The following CDH23 variants were observed in gnomAD, a reference collection of about 807,000 sequenced individuals.
CDH23 encodes cadherin-23.
Under a neutral mutation model 317.1 loss-of-function variants are expected in CDH23, and 189 were observed. The observed-to-expected ratio is 0.60, with a 90% CI of 0.53 to 0.67. The LOEUF (loss-of-function observed/expected upper bound fraction) is 0.67. Ranked by LOEUF, CDH23 falls within the 30% of genes least tolerant of loss-of-function variation. CDH23 has a pLI of 0.00. For synonymous variants in CDH23, 1,839 were observed against 1,876.8 expected (o/e 0.98, Z 0.52); for missense variants, 4,401 against 4,592.4 (o/e 0.96, Z 1.20).
chr10:71,805,526 G>A (rs1192197365), intron 55 of CDH23, among the ~76,000 whole-genome samples: 2 of 152,206 alleles, frequency 1.3e-5, no homozygotes, highest in Non-Finnish European at 2.9e-5. Context: ...CAGCTCCTGG[G>A]AAGATGGTCA....
Position 71,751,111 on chromosome 10 carries a change from T to C in CDH23, c.4845+9190T>C. On this transcript the variant is annotated intron_variant, in intron 38 of 69. Coordinates refer to ENST00000224721, the MANE Select transcript of CDH23 (RefSeq NM_022124.6). This position sits in a 1 kb window ranked among gnomAD's most constrained non-coding sequence, Gnocchi z 4.9. ...TCCAGAGGGGTTGAGGGGCTGGGCT[T>C]CTGGGATGTCACAGTATCTGAGCCC... The C allele has an allele frequency of 2.0e-6, 2 of 998,970 alleles. No homozygotes were observed. The highest frequency in any genetic ancestry group is 1.5e-6 in the Non-Finnish European group (1 of 685,796). 61.9% of individuals were successfully genotyped at this position (998,970 alleles called of 1,614,324 possible). A position where few individuals can be genotyped will look rare whatever the true frequency, so the allele number is the denominator to read the frequency against.
At chr10:71,803,181 A>G in intron 54 of CDH23, 28 bp from the exon 55 acceptor site, 4 of 1,607,226 alleles carry the variant, frequency 2.5e-6, no homozygotes, top group Non-Finnish European at 3.4e-6. Flanking sequence ...TGTCTCAACC[A>G]GAGCTACTCT....
intron 3 of CDH23, among the ~76,000 whole-genome samples, chr10:71,459,085 C>CTTTTTTTTTTTTT (rs372627407): frequency 1.9e-5 from 2 of 102,600 alleles, no homozygotes; most frequent in Non-Finnish European, 3.8e-5. Flanking sequence ...CACACCTGGC[C>CTTTTTTTTTTTTT]TTTTTTTTTT....
chr10:71,574,790 C>A (rs1858063744), intron 8 of CDH23, among the ~76,000 whole-genome samples: 1 of 152,166 alleles, frequency 6.6e-6, no homozygotes, highest in African/African-American at 2.4e-5. Flanking sequence ...ACTGCCCGGG[C>A]CTCAGAGGCT....
At chr10:71,808,832 T>C (rs1454863597) in intron 60 of CDH23, among the ~76,000 whole-genome samples, 1 of 152,152 alleles carries the variant, frequency 6.6e-6, no homozygotes, top group Non-Finnish European at 1.5e-5. Context: ...CGGCCTGCTC[T>C]CTCCCATTCT....
At chr10:71,614,295 T>C (rs892201926) in intron 9 of CDH23, among the ~76,000 whole-genome samples, 1 of 152,238 alleles carries the variant, frequency 6.6e-6, no homozygotes, top group Non-Finnish European at 1.5e-5. Flanking sequence ...CAGGGCCTGC[T>C]ATAGGAAAGC....
At chr10:71,665,589 T>A (rs1262203893) in intron 14 of CDH23, among the ~76,000 whole-genome samples, 2 of 152,160 alleles carry the variant, frequency 1.3e-5, no homozygotes, top group African/African-American at 4.8e-5. Context: ...CTAGTGACTG[T>A]CTGAGAGGCA....
chr10:71,597,469 C>CTCA (rs1859935349), intron 9 of CDH23, among the ~76,000 whole-genome samples: 1 of 152,168 alleles, frequency 6.6e-6, no homozygotes, highest in African/African-American at 2.4e-5. Context: ...CACTCCCCAC[C>CTCA]TCATCCGCCC....
intron 58 of CDH23, 52 bp from the exon 59 acceptor site, chr10:71,807,460 CATAT>C (rs1358502136): frequency 6.2e-7 from 1 of 1,612,542 alleles, no homozygotes; most frequent in East Asian, 2.2e-5. Context: ...AGATGACCCA[CATAT>C]GCCCTGCTCC....
At chr10:71,788,418 T>G (rs1460836231) in intron 44 of CDH23, among the ~76,000 whole-genome samples, 1 of 152,132 alleles carries the variant, frequency 6.6e-6, no homozygotes, top group Non-Finnish European at 1.5e-5. Context: ...TGTGGCTTAT[T>G]GCATTTCTCT....
intron 1 of CDH23, among the ~76,000 whole-genome samples, chr10:71,407,864 G>C (rs372188020): frequency 6.6e-6 from 1 of 152,230 alleles, no homozygotes; most frequent in East Asian, 1.9e-4. Context: ...TTAATTCTCT[G>C]AGCCACAGTT....
At chr10:71,410,465 G>T (rs781262666) in intron 1 of CDH23, among the ~76,000 whole-genome samples, 5 of 152,208 alleles carry the variant, frequency 3.3e-5, no homozygotes, top group Non-Finnish European at 7.3e-5. Context: ...AGGAAGAGAG[G>T]CAAAGCAGGA....
intron 17 of CDH23, among the ~76,000 whole-genome samples, chr10:71,679,797 G>A (rs2132674916): frequency 6.6e-6 from 1 of 152,328 alleles, no homozygotes; most frequent in South Asian, 2.1e-4. Context: ...TCTTACCAAG[G>A]CTGCAGGCAG....
At chr10:71,522,693 G>A (rs1482499974) in intron 6 of CDH23, among the ~76,000 whole-genome samples, 1 of 152,154 alleles carries the variant, frequency 6.6e-6, no homozygotes, top group Non-Finnish European at 1.5e-5. Flanking sequence ...TCTCTCCCTT[G>A]TCCAGGGTCA....
chr10:71,636,368 A>C (rs1862275728), intron 11 of CDH23, among the ~76,000 whole-genome samples: 1 of 152,142 alleles, frequency 6.6e-6, no homozygotes, highest in African/African-American at 2.4e-5. Flanking sequence ...AAAAATAAAA[A>C]GCATTCGCTG....
chr10:71,679,355 C>A, intron 16 of CDH23, 32 bp from the exon 17 acceptor site: 1 of 1,493,264 alleles, frequency 6.7e-7, no homozygotes, highest in African/African-American at 1.4e-5. Flanking sequence ...CTCCTGCAGG[C>A]TCACGGCCCT....
At chr10:71,515,394 T>TCTCTCTCTCTCACACACA (rs1491490493) in intron 6 of CDH23, among the ~76,000 whole-genome samples, 5 of 26,698 alleles carry the variant, frequency 1.9e-4, no homozygotes, top group African/African-American at 4.2e-4. Flanking sequence ...TCTCTCTCTC[T>TCTCTCTCTCTCACACACA]CACACACACA....
rs934868238 is a variant in CDH23 at position 71,566,638 on chromosome 10, G to T, written c.430-104G>T. On this transcript the variant is annotated intron_variant, in intron 6 of 69. Transcript: ENST00000224721. Reference sequence around the variant, plus strand: ...ATGAAAATGACAAGGCCTCGGGTCTGGTTGGCTGAAGGATGTAGAGAATGG... The same window carrying T: ...ATGAAAATGACAAGGCCTCGGGTCTTGTTGGCTGAAGGATGTAGAGAATGG... 2.9e-6 allele frequency: 3 copies of T among 1,026,358 alleles called. No homozygotes were observed. In the African/African-American group the frequency reaches 4.9e-5, roughly 17 times the overall value. 63.6% of individuals were successfully genotyped at this position (1,026,358 alleles called of 1,614,324 possible). A position where few individuals can be genotyped will look rare whatever the true frequency, so the allele number is the denominator to read the frequency against.
chr10:71,690,444 G>GC, intron 19 of CDH23, 24 bp from the exon 20 acceptor site: 1 of 1,548,174 alleles, frequency 6.5e-7, no homozygotes, highest in South Asian at 1.2e-5. Flanking sequence ...AGCACCCCCT[G>GC]CCCCCACCTT....
Sources: allele counts gnomAD v4.1 joint callset (sites outside exome capture counted in the v4.1 genomes callset), GRCh38; gene constraint gnomAD v4.1.1; non-coding constraint Gnocchi (gnomAD v3.1); transcripts MANE v1.5; gene names NCBI Gene and HGNC (gene_info 2026-07-23, HGNC 2026-07-21).